Variants in UGT1A9 observed in about 807,000 individuals in gnomAD.
The protein encoded by UGT1A9 is UDP glucuronosyltransferase family 1 member A9, also known as UDP-glucuronosyltransferase 1A9.
UGT1A9 carries 35 observed loss-of-function variants against 45.0 expected under a neutral mutation model. The observed-to-expected ratio is 0.78, with a 90% confidence interval of 0.59 to 1.03. The LOEUF (loss-of-function observed/expected upper bound fraction) is 1.03, where lower values mean the gene tolerates loss of function less well. Among genes scored for constraint, UGT1A9 ranks in the 50% least tolerant of loss-of-function variants. The pLI, the probability that UGT1A9 is intolerant of heterozygous loss-of-function variation, is 0.00. For synonymous variants in UGT1A9, 278 were observed against 250.6 expected (o/e 1.11, Z -1.03); for missense variants, 687 against 666.6 (o/e 1.03, Z -0.34).
intron 1 of UGT1A9, among the ~76,000 whole-genome samples, chr2:233,735,339 T>G (rs1056442673): frequency 6.6e-6 from 1 of 151,862 alleles, no homozygotes; most frequent in Non-Finnish European, 1.5e-5. Context: ...AACCCCTGCT[T>G]TTTTTTTGCT....
At chr2:233,770,741 G>A (rs1433852574) in intron 4 of UGT1A9, 1 of 151,846 alleles carries the variant, frequency 6.6e-6, no homozygotes, top group Non-Finnish European at 1.5e-5. Flanking sequence ...CATGATTCAT[G>A]GCCAAGTACT....
chr2:233,732,212 T>G (rs2078250632), intron 1 of UGT1A9, among the ~76,000 whole-genome samples: 1 of 152,238 alleles, frequency 6.6e-6, no homozygotes. Flanking sequence ...ATGGGTAGAT[T>G]GCAAAAATTT....
rs191241107 is a variant in UGT1A9, at chr2:233,721,753, T to C, written c.856-45281T>C. The C allele has an allele frequency of 4.9e-4, 222 of 457,372 alleles. 1 individual carries two copies. The highest frequency in any genetic ancestry group is 3.1e-3 in the Admixed American group (134 of 43,562). The allele number at this position is 457,372 out of a possible 1,614,324, so 28.3% of individuals were successfully genotyped here. A position where few individuals can be genotyped will look rare whatever the true frequency, so the allele number is the denominator to read the frequency against. ...AAGCTTAATGATGAGAGAATCTACATCTAAATTGTTATATTTAGCATTATT... is the reference window on the plus strand; with the variant it reads ...AAGCTTAATGATGAGAGAATCTACACCTAAATTGTTATATTTAGCATTATT... On this transcript the variant is annotated intron_variant, in intron 1 of 4. Transcript: ENST00000354728.
chr2:233,731,825 G>C (rs994519436), intron 1 of UGT1A9, among the ~76,000 whole-genome samples: 58 of 152,108 alleles, frequency 3.8e-4, no homozygotes, highest in African/African-American at 1.4e-3. Flanking sequence ...GTGTCAAATG[G>C]TATTTCTAGT....
At position 233,769,030 on chromosome 2, in the gene UGT1A9, A is replaced by G. The variant is rs1369352074; in HGVS notation, c.1295+591A>G. 1.3e-5 allele frequency among the ~76,000 whole-genome samples: 2 copies of G among 152,206 alleles called. No homozygotes were observed. Among genetic ancestry groups the G allele is most frequent in the African/African-American group, 4.8e-5 (2 of 41,454 alleles). On this transcript the variant is annotated intron_variant, in intron 4 of 4. Transcript: ENST00000354728. The surrounding 1 kb of genome is among the most constrained non-coding windows in gnomAD (Gnocchi z 4.4). ...CCAATTTACATAAAAAGTTGCCATAATAGACATCTGATCCATAAGTTTCCT... is the reference window on the plus strand; with the variant it reads ...CCAATTTACATAAAAAGTTGCCATAGTAGACATCTGATCCATAAGTTTCCT...
intron 1 of UGT1A9, among the ~76,000 whole-genome samples, chr2:233,705,039 G>A (rs2075818436): frequency 6.6e-6 from 1 of 152,078 alleles, no homozygotes; most frequent in Non-Finnish European, 1.5e-5. Flanking sequence ...GGGAGGCTGA[G>A]GCAGGAGAAT....
At chr2:233,720,101 A>G (rs12468356) in intron 1 of UGT1A9, among the ~76,000 whole-genome samples, 12,183 of 152,260 alleles carry the variant, frequency 0.08, 621 homozygotes, top group East Asian at 0.2. Flanking sequence ...TAGTGGTCCC[A>G]TCTTGCGAAA....
rs112085732 is a variant in UGT1A9 at position 233,747,405 on chromosome 2, G to T, written c.856-19629G>T. The T allele has an allele frequency of 4.4e-6, 7 of 1,607,054 alleles. No homozygotes were observed. In the African/African-American group the frequency reaches 6.7e-5, roughly 15 times the overall value. ...CCAGGCGGTGGTCCTCACCCCAGAG[G>T]TGAATATGCACATCAAACAAGAGAA... On this transcript the variant is annotated intron_variant, in intron 1 of 4. Coordinates refer to ENST00000354728, the MANE Select transcript of UGT1A9 (RefSeq NM_021027.3).
intron 1 of UGT1A9, among the ~76,000 whole-genome samples, chr2:233,679,210 T>C (rs2074444802): frequency 6.6e-6 from 1 of 152,340 alleles, no homozygotes; most frequent in Non-Finnish European, 1.5e-5. Flanking sequence ...TTGTGGGTTC[T>C]GGGTGGCTAG....
At chr2:233,747,868 C>T (rs1693797482) in intron 1 of UGT1A9, 2 of 1,613,534 alleles carry the variant, frequency 1.2e-6, no homozygotes, top group Non-Finnish European at 1.7e-6. Flanking sequence ...TACCCTCTGG[C>T]CCTGTCCTAC....
chr2:233,772,436 T>G lies in UGT1A9; in HGVS notation c.1470T>G (p.Gly490=). 6.2e-7 allele frequency: 1 copy of G among 1,614,180 alleles called. No individual in the cohort carries two copies. Among genetic ancestry groups the G allele is most frequent in the Non-Finnish European group, 8.5e-7 (1 of 1,180,036 alleles). Residue 490 remains glycine, a synonymous_variant, in exon 5 of 5, where the codon GGT becomes GGG. Coordinates refer to ENST00000354728, the MANE Select transcript of UGT1A9 (RefSeq NM_021027.3). ...AGTACCATTCCTTGGACGTGATTGGTTTCCTCTTGGCCGTCGTGCTGACAG... is the reference window on the plus strand; with the variant it reads ...AGTACCATTCCTTGGACGTGATTGGGTTCCTCTTGGCCGTCGTGCTGACAG... ...WYQYHSLDVI[G]FLLAVVLTVA...
chr2:233,755,356 C>A (rs1290050168), intron 1 of UGT1A9: 4 of 377,426 alleles, frequency 1.1e-5, no homozygotes, highest in Admixed American at 3.8e-5. Flanking sequence ...GCTTGGCGAC[C>A]TGGGCCGCCT....
In UGT1A9 at chr2:233,768,134, C is replaced by T. The variant is rs558476019; in HGVS notation, c.1076-86C>T. The T allele has an allele frequency of 1.1e-4, 173 of 1,608,048 alleles. No homozygotes were observed. The African/African-American group carries it at 2.2e-3, about 21-fold the overall frequency. Reference sequence around the variant, plus strand: ...CAAGGGCATGTGAGTAACACTGAGTCTTTGGAGTGTTTTCAGAACCTAGAT... The same window carrying T: ...CAAGGGCATGTGAGTAACACTGAGTTTTTGGAGTGTTTTCAGAACCTAGAT... On this transcript the variant is annotated intron_variant, in intron 3 of 4. Transcript: ENST00000354728.
At chr2:233,750,039 G>A (rs1434781604) in intron 1 of UGT1A9, among the ~76,000 whole-genome samples, 1 of 151,888 alleles carries the variant, frequency 6.6e-6, no homozygotes, top group East Asian at 1.9e-4. Flanking sequence ...AAAGATACTT[G>A]AAAATGTGGA....
intron 1 of UGT1A9, chr2:233,750,809 A>C (rs893471705): frequency 1.3e-5 from 2 of 151,828 alleles, no homozygotes; most frequent in African/African-American, 4.9e-5. Context: ...AGGTTTGGGA[A>C]CCTCCACATA....
At chr2:233,687,202 G>A (rs1048780316) in intron 1 of UGT1A9, among the ~76,000 whole-genome samples, 8 of 152,298 alleles carry the variant, frequency 5.3e-5, no homozygotes, top group African/African-American at 1.9e-4. Flanking sequence ...AATTGGGTGG[G>A]TGATATGCAT....
intron 1 of UGT1A9, among the ~76,000 whole-genome samples, chr2:233,685,460 C>A (rs2074739513): frequency 6.6e-6 from 1 of 152,160 alleles, no homozygotes; most frequent in Non-Finnish European, 1.5e-5. Flanking sequence ...CCATCTAGGG[C>A]CAGTGCAGCT....
At chr2:233,691,396 C>T (rs2075041228) in intron 1 of UGT1A9, 1 of 985,598 alleles carries the variant, frequency 1.0e-6, no homozygotes. Context: ...TGGGGGCCAG[C>T]CCTGTCCTTG....
At chr2:233,713,578 G>A (rs573730250) in intron 1 of UGT1A9, 12 of 1,613,932 alleles carry the variant, frequency 7.4e-6, no homozygotes, top group African/African-American at 5.3e-5. Flanking sequence ...TATATTCCTA[G>A]ATTACTAACG....
Sources: gnomAD v4.1 joint callset for allele counts (sites outside exome capture counted in the v4.1 genomes callset) on GRCh38, gnomAD v4.1.1 for gene constraint, Gnocchi (gnomAD v3.1) non-coding constraint, MANE v1.5 for transcripts, NCBI Gene and HGNC (gene_info 2026-07-23, HGNC 2026-07-21) for gene names.